The following KIF5B variants were observed in gnomAD, a reference collection of about 807,000 sequenced individuals.
The protein encoded by KIF5B is kinesin family member 5B, also known as kinesin-1 heavy chain.
A neutral mutation model predicts 132.8 loss-of-function variants in KIF5B; 49 were observed. The observed-to-expected ratio is 0.37, with a 90% CI of 0.29 to 0.47. The LOEUF is 0.47. Among genes scored for constraint, KIF5B ranks in the 20% least tolerant of loss-of-function variants. The pLI, the probability that KIF5B is intolerant of heterozygous loss-of-function variation, is 1.00. For missense variants in KIF5B, 780 were observed against 1,144.0 expected, an observed-to-expected ratio of 0.68 and a Z score of 4.59; for synonymous variants, 355 against 369.4, an observed-to-expected ratio of 0.96 and a Z score of 0.45.
rs1841061857 is a variant in KIF5B, at chr10:32,010,431, T to A, written c.*1106A>T. On this transcript the variant is annotated 3_prime_UTR_variant, in exon 26 of 26. Transcript: ENST00000302418. The stretch of plus-strand genomic sequence containing the variant: ...ACTATTTCTAGACTAAAGAAATAAA[T>A]TAGTGTACAAATTAGTGTAGCAGGT... 1 of 152,194 alleles carries A rather than the reference T, an allele frequency of 6.6e-6. No individual in the cohort carries two copies. The highest frequency in any genetic ancestry group is 6.5e-5 in the Admixed American group (1 of 15,282). The allele number at this position is 152,194 out of a possible 1,614,324, so 9.4% of individuals were successfully genotyped here.
chr10:32,053,168 C>T (rs1040514415), intron 1 of KIF5B, among the ~76,000 whole-genome samples: 4 of 152,044 alleles, frequency 2.6e-5, no homozygotes, highest in Admixed American at 6.5e-5. Flanking sequence ...GATTAGGAAC[C>T]AGTAAAATGA....
intron 5 of KIF5B, among the ~76,000 whole-genome samples, 188 bp from the exon 6 acceptor site, chr10:32,038,406 T>C (rs550041043): frequency 3.3e-5 from 5 of 152,212 alleles, no homozygotes; most frequent in East Asian, 1.9e-4. Context: ...TGCAACAATA[T>C]AGAATTTTAG....
Position 32,024,146 on chromosome 10 carries a change from C to CCTTTTTT in KIF5B, c.1726-1111_1726-1110insAAAAAAG, listed in dbSNP as rs1554800857. 7.2e-5 allele frequency among the ~76,000 whole-genome samples: 5 copies of CCTTTTTT among 69,750 alleles called. 1 individual carries two copies. Among genetic ancestry groups the CCTTTTTT allele is most frequent in the Admixed American group, 4.2e-4 (2 of 4,802 alleles). 45.8% of individuals were successfully genotyped at this position (69,750 alleles called of 152,430 possible). On this transcript the variant is annotated intron_variant, in intron 15 of 25. Transcript: ENST00000302418. ...TTATATCCAAAACATATGAAGAACT[C>CCTTTTTT]TTTTTTTTTTTTTTTTTTTTTTTTT...
chr10:32,020,433 C>T (rs1188113707), intron 19 of KIF5B, among the ~76,000 whole-genome samples: 1 of 151,772 alleles, frequency 6.6e-6, no homozygotes, highest in Non-Finnish European at 1.5e-5. Context: ...AAGTTTTTCC[C>T]AGTTAAGAAT....
chr10:32,021,359 T>C (rs771723557), intron 17 of KIF5B, 72 bp from the exon 18 acceptor site: 10 of 1,066,442 alleles, frequency 9.4e-6, no homozygotes, highest in Non-Finnish European at 1.4e-5. Flanking sequence ...AAGGAGCAAA[T>C]GGATTTTACA....
intron 15 of KIF5B, among the ~76,000 whole-genome samples, chr10:32,024,120 CTT>C (rs1425184667): frequency 1.5e-5 from 2 of 130,986 alleles, no homozygotes; most frequent in East Asian, 4.9e-4. Context: ...TGATAAAAGA[CTT>C]ATATCCAAAA....
chr10:32,017,568 A>T (rs1390363234), intron 23 of KIF5B, among the ~76,000 whole-genome samples: 1 of 152,246 alleles, frequency 6.6e-6, no homozygotes, highest in East Asian at 1.9e-4. Flanking sequence ...AATTTCCTTT[A>T]ATTTTTTAGG....
intron 11 of KIF5B, 55 bp from the exon 12 acceptor site, chr10:32,034,093 A>C: frequency 8.7e-7 from 1 of 1,152,950 alleles, no homozygotes; most frequent in South Asian, 1.6e-5. Context: ...AGCTAATTTC[A>C]ATTTCATTCC....
chr10:32,038,039 G>A (rs1265760084), intron 6 of KIF5B, 124 bp downstream of exon 6: 7 of 548,816 alleles, frequency 1.3e-5, no homozygotes, highest in South Asian at 5.1e-5. Context: ...GAACCCTGGA[G>A]GCAGAGGTTG....
At position 32,034,035 on chromosome 10, in the gene KIF5B, T is replaced by C; in HGVS notation, c.1115A>G (p.Glu372Gly). 1.3e-6 allele frequency: 2 copies of C among 1,533,642 alleles called. No individual in the cohort carries two copies. Among genetic ancestry groups the C allele is most frequent in the East Asian group, 4.8e-5 (2 of 41,824 alleles). The change falls in exon 12 of 26, where the codon GAG becomes GGG. Residue 372 changes from glutamate (E) to glycine (G), a missense_variant. By Grantham distance (98) the Glu-to-Gly change is moderately conservative. Coordinates refer to ENST00000302418, the MANE Select transcript of KIF5B (RefSeq NM_004521.3). The stretch of plus-strand genomic sequence containing the variant: ...AAACTGTTCATCAATAGGCACCGTC[T>C]CCCCTAAAATAAGAAAATAAAGTGG... The part of the protein sequence containing the change: ...ENELNRWRNG[E>G]TVPIDEQFDK...
chr10:32,037,512 C>CTACT lies in KIF5B; in HGVS notation c.586+4_586+7dup. ...TTTAAATCCTAACCAGTGTTATTTTCTACTTACTTGTAACTGCTACATGTC... is the reference window on the plus strand; with the variant it reads ...TTTAAATCCTAACCAGTGTTATTTTCTACTTACTTACTTGTAACTGCTACATGTC... On this transcript the variant is annotated splice_region_variant and intron_variant, in intron 7 of 25. Transcript: ENST00000302418. 4.4e-6 allele frequency: 7 copies of CTACT among 1,606,232 alleles called. No homozygotes were observed. The East Asian group carries it at 1.6e-4, about 36-fold the overall frequency.
chr10:32,022,376 T>A, intron 16 of KIF5B, 119 bp from the exon 17 acceptor site: 1 of 596,914 alleles, frequency 1.7e-6, no homozygotes, highest in Non-Finnish European at 3.0e-6. Flanking sequence ...AAAACTAAAA[T>A]ATTCAGGAGC....
intron 2 of KIF5B, among the ~76,000 whole-genome samples, chr10:32,040,906 T>C (rs772623733): frequency 1.3e-5 from 2 of 150,190 alleles, no homozygotes; most frequent in South Asian, 4.2e-4. Context: ...GAGAATTGCC[T>C]GAACCGGGCA....
intron 1 of KIF5B, among the ~76,000 whole-genome samples, chr10:32,050,132 A>G (rs978907012): frequency 1.3e-5 from 2 of 152,188 alleles, no homozygotes; most frequent in Admixed American, 6.5e-5. Flanking sequence ...TGACCCCAGA[A>G]AAAGCCCTTA....
rs1328250185 is a variant in KIF5B, at chr10:32,029,100, C to G, written c.1582-529G>C. On this transcript the variant is annotated intron_variant, in intron 14 of 25. Transcript: ENST00000302418. Reference sequence around the variant, plus strand: ...AATATTATCTGAGTTTAATGACTATCATTATAAATCTCAAATCATAGCTGG... The same window carrying G: ...AATATTATCTGAGTTTAATGACTATGATTATAAATCTCAAATCATAGCTGG... Among the ~76,000 whole-genome samples, 6 of 152,142 alleles carry G rather than the reference C, an allele frequency of 3.9e-5. No individual in the cohort carries two copies. In the East Asian group the frequency reaches 1.2e-3, roughly 29 times the overall value.
At chr10:32,044,665 A>C (rs1423048725) in intron 2 of KIF5B, among the ~76,000 whole-genome samples, 2 of 152,060 alleles carry the variant, frequency 1.3e-5, no homozygotes. Context: ...AACAAGAGCG[A>C]AACTCCGTCT....
chr10:32,026,829 T>G (rs1005522129), intron 15 of KIF5B, among the ~76,000 whole-genome samples: 1 of 152,210 alleles, frequency 6.6e-6, no homozygotes, highest in Non-Finnish European at 1.5e-5. Context: ...GAGATTTCTC[T>G]ACATCTCACA....
chr10:32,048,590 G>A, intron 1 of KIF5B, 39 bp from the exon 2 acceptor site: 1 of 1,453,796 alleles, frequency 6.9e-7, no homozygotes, highest in Non-Finnish European at 9.6e-7. Flanking sequence ...ACAAATTAAA[G>A]GTAAATGAAC....
intron 2 of KIF5B, among the ~76,000 whole-genome samples, chr10:32,041,713 C>T (rs530329575): frequency 6.6e-6 from 1 of 152,330 alleles, no homozygotes; most frequent in South Asian, 2.1e-4. Context: ...GCAGCCTCAA[C>T]CTCTTGGGTG....
Sources: gnomAD v4.1 joint callset for allele counts (sites outside exome capture counted in the v4.1 genomes callset) on GRCh38, gnomAD v4.1.1 for gene constraint, MANE v1.5 for transcripts, NCBI Gene and HGNC (gene_info 2026-07-23, HGNC 2026-07-21) for gene names.